Variants in PLCG2 observed in about 807,000 individuals in gnomAD.
The protein encoded by PLCG2 is phospholipase C gamma 2.
A neutral mutation model predicts 175.6 loss-of-function variants in PLCG2; 69 were observed. The observed-to-expected ratio is 0.39, with a 90% confidence interval of 0.32 to 0.48. PLCG2 has a LOEUF of 0.48. Among genes scored for constraint, PLCG2 ranks in the 20% least tolerant of loss-of-function variants. The probability of loss-of-function intolerance (pLI) is 0.91; values close to 1 mark genes in which losing one functional copy is unlikely to be tolerated. For missense variants in PLCG2, 1,798 were observed against 1,650.9 expected, an observed-to-expected ratio of 1.09 and a Z score of -1.54; for synonymous variants, 827 against 624.0, an observed-to-expected ratio of 1.33 and a Z score of -4.85.
chr16:81,763,183 A>T (rs1285650809), intron 2 of PLCG2, among the ~76,000 whole-genome samples: 2 of 152,250 alleles, frequency 1.3e-5, no homozygotes, highest in African/African-American at 4.8e-5. Context: ...AAAGTTCCAG[A>T]TGGGAGAACC....
At chr16:81,871,228 C>A (rs1907498153) in intron 7 of PLCG2, among the ~76,000 whole-genome samples, 1 of 152,172 alleles carries the variant, frequency 6.6e-6, no homozygotes, top group African/African-American at 2.4e-5. Flanking sequence ...TAAAAAAGTG[C>A]AACTCACTCT....
chr16:81,874,769 C>T (rs1310589294), intron 7 of PLCG2, among the ~76,000 whole-genome samples: 1 of 152,108 alleles, frequency 6.6e-6, no homozygotes, highest in Non-Finnish European at 1.5e-5. Context: ...CGTTCCACCT[C>T]TCGAGCTTCA....
intron 26 of PLCG2, 183 bp from the exon 27 acceptor site, chr16:81,935,986 C>G (rs1468516911): frequency 1.0e-6 from 1 of 984,930 alleles, no homozygotes; most frequent in South Asian, 4.7e-5. Context: ...ATACTTGGAA[C>G]CCCCAGAGGG....
At chr16:81,951,222 C>A (rs1911353176) in intron 31 of PLCG2, among the ~76,000 whole-genome samples, 1 of 152,126 alleles carries the variant, frequency 6.6e-6, no homozygotes, top group Non-Finnish European at 1.5e-5. Flanking sequence ...CCTTAGCCTC[C>A]CCAAGTGCTG....
chr16:81,927,667 A>T (rs1910332123), intron 23 of PLCG2, among the ~76,000 whole-genome samples: 1 of 152,164 alleles, frequency 6.6e-6, no homozygotes, highest in African/African-American at 2.4e-5. Context: ...CACTCCACCA[A>T]GGATGATATC....
At chr16:81,863,475 C>A (rs535224592) in intron 5 of PLCG2, among the ~76,000 whole-genome samples, 1 of 152,188 alleles carries the variant, frequency 6.6e-6, no homozygotes, top group Non-Finnish European at 1.5e-5. Flanking sequence ...GTTGCTTCCA[C>A]GTTTTGGCAA....
chr16:81,902,921 A>C (rs1909213048), intron 14 of PLCG2, among the ~76,000 whole-genome samples: 1 of 152,140 alleles, frequency 6.6e-6, no homozygotes. Flanking sequence ...ATCTCATGAG[A>C]TGTGTTCACT....
At chr16:81,882,677 G>T (rs878929675) in intron 8 of PLCG2, among the ~76,000 whole-genome samples, 1 of 149,932 alleles carries the variant, frequency 6.7e-6, no homozygotes, top group Non-Finnish European at 1.5e-5. Flanking sequence ...TTTTTTCCTC[G>T]AGGCCGCTGC....
At chr16:81,854,380 G>A (rs951131916) in intron 2 of PLCG2, 64 bp from the exon 3 acceptor site, 3 of 1,480,710 alleles carry the variant, frequency 2.0e-6, no homozygotes, top group Admixed American at 3.4e-5. Flanking sequence ...CTGCAGTTGT[G>A]TGGCTGCATC....
chr16:81,903,761 T>C (rs943782042), intron 14 of PLCG2, among the ~76,000 whole-genome samples: 5 of 152,158 alleles, frequency 3.3e-5, no homozygotes, highest in African/African-American at 1.2e-4. Flanking sequence ...TCATTCCTTC[T>C]GTTTCCATTA....
At chr16:81,854,296 G>A (rs905827235) in intron 2 of PLCG2, 148 bp from the exon 3 acceptor site, 4 of 712,242 alleles carry the variant, frequency 5.6e-6, no homozygotes, top group Non-Finnish European at 9.8e-6. Flanking sequence ...CAGAAGGAGG[G>A]GACACTGAGT....
intron 14 of PLCG2, among the ~76,000 whole-genome samples, chr16:81,901,331 G>C (rs1316042172): frequency 6.6e-6 from 1 of 152,338 alleles, no homozygotes; most frequent in South Asian, 2.1e-4. Context: ...GGATGCCATG[G>C]TAACATTTGG....
chr16:81,932,162 G>C (rs1336089467), intron 25 of PLCG2, among the ~76,000 whole-genome samples: 2 of 152,150 alleles, frequency 1.3e-5, no homozygotes, highest in Non-Finnish European at 1.5e-5. Flanking sequence ...CCTACCTGAA[G>C]TACTAGTCTC....
At chr16:81,954,111 C>T (rs1249255554) in intron 31 of PLCG2, among the ~76,000 whole-genome samples, 1 of 152,104 alleles carries the variant, frequency 6.6e-6, no homozygotes, top group Non-Finnish European at 1.5e-5. Flanking sequence ...CAGCCTTAAC[C>T]TCCTGGGCTC....
chr16:81,952,883 T>A (rs1459663077), intron 31 of PLCG2, among the ~76,000 whole-genome samples: 1 of 152,196 alleles, frequency 6.6e-6, no homozygotes, highest in Non-Finnish European at 1.5e-5. Flanking sequence ...AAGAAATTTA[T>A]CAATTAGAAA....
At chr16:81,773,107 C>A (rs1910318845) in intron 2 of PLCG2, among the ~76,000 whole-genome samples, 1 of 152,192 alleles carries the variant, frequency 6.6e-6, no homozygotes, top group Admixed American at 6.5e-5. Context: ...GTGACTGAGG[C>A]AGAGCAGGCT....
At chr16:81,787,291 G>A (rs1321243778) in intron 2 of PLCG2, among the ~76,000 whole-genome samples, 1 of 151,854 alleles carries the variant, frequency 6.6e-6, no homozygotes, top group Non-Finnish European at 1.5e-5. Context: ...GCATGATCAT[G>A]GCTCACTGCA....
chr16:81,810,882 CTATATT>C (rs1383433505), intron 2 of PLCG2, among the ~76,000 whole-genome samples: 2 of 152,118 alleles, frequency 1.3e-5, no homozygotes, highest in African/African-American at 4.8e-5. Flanking sequence ...TTGTACATGA[CTATATT>C]TATAACGAAA....
chr16:81,838,947 C>T (rs921684391), intron 2 of PLCG2, among the ~76,000 whole-genome samples: 1 of 152,080 alleles, frequency 6.6e-6, no homozygotes, highest in Non-Finnish European at 1.5e-5. Flanking sequence ...CTGACCCCAT[C>T]AGTGAGTCTT....
Sources: allele counts gnomAD v4.1 joint callset (sites outside exome capture counted in the v4.1 genomes callset), GRCh38; gene constraint gnomAD v4.1.1; transcripts MANE v1.5; gene names NCBI Gene and HGNC (gene_info 2026-07-23, HGNC 2026-07-21).